The following RBFOX1 variants were observed in gnomAD, a reference collection of about 807,000 sequenced individuals.
RBFOX1 encodes RNA binding fox-1 homolog 1.
A neutral mutation model predicts 57.7 loss-of-function variants in RBFOX1; 8 were observed. The ratio of observed to expected loss-of-function variants is 0.14; its 90% CI spans 0.08 to 0.25. The LOEUF is 0.25. Ranked by LOEUF, RBFOX1 falls within the 10% of genes least tolerant of loss-of-function variation. RBFOX1 has a pLI of 1.00. For missense variants in RBFOX1, 611 were observed against 548.5 expected (o/e 1.11, Z -1.14); for synonymous variants, 326 against 222.4 (o/e 1.47, Z -4.15).
rs908584523 is a variant in RBFOX1, at chr16:7,205,788, T to C, written c.27+153690T>C. Among the ~76,000 whole-genome samples, 3 of 152,348 alleles carry C rather than the reference T, an allele frequency of 2.0e-5. No individual in the cohort carries two copies. The East Asian group carries it at 5.8e-4, about 29-fold the overall frequency. The stretch of plus-strand genomic sequence containing the variant: ...AAAGTGAGTGCAGGGACTGCAGTGA[T>C]TATCTGTATGAGGTGAATTGAAACC... On this transcript the variant is annotated intron_variant, in intron 4 of 15. Transcript: ENST00000550418.
At chr16:5,974,700 A>C (rs2060028029) in intron 4 of RBFOX1, among the ~76,000 whole-genome samples, 1 of 151,764 alleles carries the variant, frequency 6.6e-6, no homozygotes, top group South Asian at 2.1e-4. Flanking sequence ...TGTATAGAGG[A>C]ACTTTACTAT....
At chr16:5,858,746 T>C (rs756986315) in intron 3 of RBFOX1, among the ~76,000 whole-genome samples, 4 of 152,128 alleles carry the variant, frequency 2.6e-5, no homozygotes, top group Admixed American at 1.3e-4. Flanking sequence ...CAGAATTTGG[T>C]AGGAGATGGG....
chr16:5,914,751 C>G (rs551168742), intron 4 of RBFOX1, among the ~76,000 whole-genome samples: 8 of 151,932 alleles, frequency 5.3e-5, no homozygotes, highest in Non-Finnish European at 7.4e-5. Flanking sequence ...AAAAAAATAG[C>G]GGGCATGGTG....
chr16:6,869,601 G>C (rs1416427237), intron 3 of RBFOX1, among the ~76,000 whole-genome samples: 1 of 152,070 alleles, frequency 6.6e-6, no homozygotes, highest in East Asian at 1.9e-4. Flanking sequence ...GAGAAAGAAA[G>C]AACAGGAAAA....
chr16:5,826,131 T>TTATTCCTTAATATGAATAAGGAATAA (rs1567592521), intron 3 of RBFOX1, among the ~76,000 whole-genome samples: 3 of 85,984 alleles, frequency 3.5e-5, no homozygotes, highest in South Asian at 4.1e-4. Flanking sequence ...ATAAGGAATA[T>TTATTCCTTAATATGAATAAGGAATAA]TATTCCTTAT....
intron 2 of RBFOX1, among the ~76,000 whole-genome samples, chr16:5,527,627 T>C (rs889053469): frequency 5.9e-5 from 9 of 152,210 alleles, no homozygotes; most frequent in African/African-American, 2.2e-4. Context: ...TCTTCCTCCC[T>C]GTCTTCCCAT....
chr16:7,438,623 A>G (rs1329972299), intron 4 of RBFOX1, among the ~76,000 whole-genome samples: 1 of 152,202 alleles, frequency 6.6e-6, no homozygotes, highest in Non-Finnish European at 1.5e-5. Flanking sequence ...CATTGAAAAT[A>G]TAATCAGGCT....
chr16:7,350,927 T>G lies in RBFOX1; in HGVS notation c.28-167220T>G, dbSNP rs562111885. Among the ~76,000 whole-genome samples the G allele has an allele frequency of 3.3e-4, 51 of 152,336 alleles. 1 individual carries two copies. In the South Asian group the frequency reaches 0.011, roughly 32 times the overall value. Reference sequence around the variant, plus strand: ...GACCCAAGAATGCATCCAAAGGGGTTACATGCAAACCTGCCTGAGCATGGA... The same window carrying G: ...GACCCAAGAATGCATCCAAAGGGGTGACATGCAAACCTGCCTGAGCATGGA... On this transcript the variant is annotated intron_variant, in intron 4 of 15. Transcript: ENST00000550418.
intron 4 of RBFOX1, among the ~76,000 whole-genome samples, chr16:7,218,394 A>G (rs951997157): frequency 1.3e-5 from 2 of 152,132 alleles, no homozygotes; most frequent in African/African-American, 4.8e-5. Flanking sequence ...AGAAGTGGAA[A>G]GAGGTGAAGA....
At chr16:6,219,314 G>C (rs1598470877) in intron 1 of RBFOX1, among the ~76,000 whole-genome samples, 1 of 152,002 alleles carries the variant, frequency 6.6e-6, no homozygotes, top group Admixed American at 6.6e-5. Context: ...GCAAAAATAC[G>C]CACACAAAAA....
At chr16:5,849,634 C>G (rs2056842981) in intron 3 of RBFOX1, among the ~76,000 whole-genome samples, 1 of 152,120 alleles carries the variant, frequency 6.6e-6, no homozygotes, top group Non-Finnish European at 1.5e-5. Flanking sequence ...TCTGGAAGTG[C>G]CGACTGCTCA....
At chr16:7,599,052 T>G (rs2094867807) in intron 9 of RBFOX1, among the ~76,000 whole-genome samples, 1 of 152,188 alleles carries the variant, frequency 6.6e-6, no homozygotes, top group Admixed American at 6.5e-5. Context: ...CCAGAAGAAT[T>G]ACCTATTCTG....
intron 1 of RBFOX1, among the ~76,000 whole-genome samples, chr16:5,403,375 C>CAAA (rs2066772075): frequency 5.3e-4 from 73 of 137,130 alleles, no homozygotes; most frequent in African/African-American, 1.9e-3. Flanking sequence ...AAACAAAAAA[C>CAAA]AAACAAACAA....
chr16:6,861,108 T>C (rs2058910661), intron 3 of RBFOX1, among the ~76,000 whole-genome samples: 1 of 152,136 alleles, frequency 6.6e-6, no homozygotes, highest in South Asian at 2.1e-4. Flanking sequence ...TGTTGCAAGC[T>C]GCGGGGTGGA....
intron 2 of RBFOX1, among the ~76,000 whole-genome samples, chr16:6,455,891 A>T (rs1022017226): frequency 2.6e-5 from 4 of 152,192 alleles, no homozygotes; most frequent in African/African-American, 7.2e-5. Context: ...TAATGAAATA[A>T]TTGGGGGGTG....
rs115986121 is a variant in RBFOX1, at chr16:5,787,159, G to A, written c.319-80144G>A. The stretch of plus-strand genomic sequence containing the variant: ...CCAAAAAAATAATAACACAGGAGGA[G>A]CTCATAGCATTTCTTTTTGTGAAGA... On this transcript the variant is annotated intron_variant, in intron 3 of 19. Coordinates refer to the RBFOX1 transcript ENST00000641259. Among the ~76,000 whole-genome samples, 280 of 152,222 alleles carry A rather than the reference G, an allele frequency of 1.8e-3. 2 individuals carry two copies. Among genetic ancestry groups the A allele is most frequent in the African/African-American group, 6.4e-3 (268 of 41,552 alleles).
chr16:7,577,102 C>T (rs2093399541), intron 5 of RBFOX1, among the ~76,000 whole-genome samples: 1 of 152,214 alleles, frequency 6.6e-6, no homozygotes, highest in South Asian at 2.1e-4. Flanking sequence ...AAGGCGGCGA[C>T]ATTGATTGTA....
chr16:5,469,455 C>G (rs1454368787), intron 2 of RBFOX1, among the ~76,000 whole-genome samples: 6 of 152,206 alleles, frequency 3.9e-5, no homozygotes, highest in Middle Eastern at 3.2e-3. Flanking sequence ...TTGCTTCTGT[C>G]TACGCTGCCT....
intron 1 of RBFOX1, among the ~76,000 whole-genome samples, chr16:6,127,325 G>A (rs911619957): frequency 6.7e-6 from 1 of 149,074 alleles, no homozygotes; most frequent in African/African-American, 2.5e-5. Context: ...TTTTTCTCCT[G>A]TTTCACCTTA....
Sources: allele counts gnomAD v4.1 joint callset (sites outside exome capture counted in the v4.1 genomes callset), GRCh38; gene constraint gnomAD v4.1.1; transcripts MANE v1.5; gene names NCBI Gene and HGNC (gene_info 2026-07-23, HGNC 2026-07-21).